PTGER3: variants seen among roughly 807,000 people sequenced by gnomAD.
The protein encoded by PTGER3 is prostaglandin E receptor 3, also known as prostaglandin E2 receptor EP3 subtype.
In PTGER3, 22 loss-of-function variants were observed where a neutral mutation model predicts 34.7. That is an observed-to-expected ratio of 0.63 (90% confidence interval 0.45 to 0.91). The LOEUF is 0.91. PTGER3 is among the 40% of genes least tolerant of loss of function. The pLI is 0.00. For missense variants in PTGER3, 468 were observed against 519.4 expected (o/e 0.90, Z 0.96); for synonymous variants, 241 against 230.1 (o/e 1.05, Z -0.43).
chr1:70,973,221 TGATAGATA>T (rs72155144), intron 3 of PTGER3, among the ~76,000 whole-genome samples: 42,533 of 137,098 alleles, frequency 0.31, 6,310 homozygotes, highest in South Asian at 0.34. Flanking sequence ...GATAGATAGA[TGATAGATA>T]GATAGATAGA....
intron 4 of PTGER3, among the ~76,000 whole-genome samples, chr1:70,935,397 A>G (rs1025991667): frequency 1.2e-4 from 18 of 152,078 alleles, no homozygotes; most frequent in Admixed American, 7.9e-4. Context: ...TTATATACAT[A>G]AATAGCAATA....
chr1:70,866,469 C>T (rs1646044316), intron 4 of PTGER3, among the ~76,000 whole-genome samples: 1 of 152,182 alleles, frequency 6.6e-6, no homozygotes, highest in African/African-American at 2.4e-5. Flanking sequence ...CCCCCGAGTC[C>T]TGAGTTAATC....
chr1:71,026,584 AC>A lies in PTGER3; in HGVS notation c.898-14101del, dbSNP rs1296937500. Among the ~76,000 whole-genome samples the A allele has an allele frequency of 3.3e-5, 5 of 151,786 alleles. No individual in the cohort carries two copies. In the East Asian group the frequency reaches 9.7e-4, roughly 29 times the overall value. On this transcript the variant is annotated intron_variant, in intron 1 of 3. Coordinates refer to ENST00000306666, the MANE Select transcript of PTGER3 (RefSeq NM_198719.2). ...TATAATGTGTTCATCTTCCGTGTTTACCCCCTTAGGCTGCTTTTGTCTCTTC... is the reference window on the plus strand; with the variant it reads ...TATAATGTGTTCATCTTCCGTGTTTACCCCTTAGGCTGCTTTTGTCTCTTC...
At chr1:70,868,120 T>C (rs910222340) in intron 4 of PTGER3, among the ~76,000 whole-genome samples, 1 of 152,102 alleles carries the variant, frequency 6.6e-6, no homozygotes, top group Non-Finnish European at 1.5e-5. Flanking sequence ...TTGCATACAC[T>C]GTCCCCACTA....
chr1:71,025,178 T>TTTCC lies in PTGER3; in HGVS notation c.898-12698_898-12695dup, dbSNP rs372215932. On this transcript the variant is annotated intron_variant, in intron 1 of 3. Transcript: ENST00000306666. ...CTTCCTTCCTTCTTTCCTTCCTTTTTTTCCTTCCTTCCTTCCTTCTTATTA... is the reference window on the plus strand; with the variant it reads ...CTTCCTTCCTTCTTTCCTTCCTTTTTTTCCTTCCTTCCTTCCTTCCTTCTTATTA... Among the ~76,000 whole-genome samples, 1,012 of 120,486 alleles carry TTTCC rather than the reference T, an allele frequency of 8.4e-3. 19 individuals are homozygous for TTTCC. The highest frequency in any genetic ancestry group is 0.032 in the African/African-American group (974 of 30,078). The allele number at this position is 120,486 out of a possible 152,430, so 79.0% of individuals were successfully genotyped here.
chr1:70,881,956 C>T (rs1646400203), intron 4 of PTGER3, among the ~76,000 whole-genome samples: 1 of 152,156 alleles, frequency 6.6e-6, no homozygotes, highest in South Asian at 2.1e-4. Flanking sequence ...GGTGGAATTG[C>T]CCACCCTGCC....
intron 1 of PTGER3, among the ~76,000 whole-genome samples, chr1:71,044,094 G>A (rs1660542315): frequency 6.6e-6 from 1 of 151,124 alleles, no homozygotes; most frequent in South Asian, 2.1e-4. Context: ...GGGATTACAG[G>A]CGTGAGCCAC....
Position 70,874,401 on chromosome 1 carries a change from T to C in PTGER3, c.*24-21542A>G, listed in dbSNP as rs991537026. On this transcript the variant is annotated intron_variant, in intron 4 of 4. Transcript: ENST00000370931. ...CTCAATTGCGTGTTGCCATGGGTTA[T>C]CTTCCTTTCTCTCTTTTCCCTCCCC... is the stretch of plus-strand genomic sequence containing the variant. 2.6e-5 allele frequency among the ~76,000 whole-genome samples: 4 copies of C among 152,230 alleles called. No homozygotes were observed. The East Asian group carries it at 7.7e-4, about 29-fold the overall frequency.
At chr1:70,865,068 A>G (rs967883436) in intron 4 of PTGER3, among the ~76,000 whole-genome samples, 1 of 151,692 alleles carries the variant, frequency 6.6e-6, no homozygotes, top group African/African-American at 2.4e-5. Flanking sequence ...TACAGGTGAT[A>G]GCATTTCAAG....
chr1:70,893,577 T>G (rs896307136), intron 4 of PTGER3, among the ~76,000 whole-genome samples: 1 of 152,210 alleles, frequency 6.6e-6, no homozygotes, highest in Non-Finnish European at 1.5e-5. Flanking sequence ...TTGTTTAAGT[T>G]AAATTCTAGC....
In PTGER3 at chr1:71,040,592, A is replaced by G. The variant is rs536987382; in HGVS notation, c.897+6089T>C. On this transcript the variant is annotated intron_variant, in intron 1 of 3. Transcript: ENST00000306666. ...GCCAATGCACTCCAGCCTAGGCAAC[A>G]GCGAGACTTTGTCTCAAAAGAAAAA... 5.9e-5 allele frequency among the ~76,000 whole-genome samples: 9 copies of G among 152,260 alleles called. No homozygotes were observed. The South Asian group carries it at 1.9e-3, about 32-fold the overall frequency.
intron 4 of PTGER3, among the ~76,000 whole-genome samples, chr1:70,938,201 G>A (rs1572700654): frequency 6.6e-6 from 1 of 152,136 alleles, no homozygotes; most frequent in African/African-American, 2.4e-5. Context: ...ACTTAGAAGA[G>A]CATCAGAAGC....
At position 70,971,434 on chromosome 1, in the gene PTGER3, C is replaced by T; in HGVS notation, c.*296G>A. 9 of 1,104,442 alleles carry T rather than the reference C, an allele frequency of 8.1e-6. No individual in the cohort carries two copies. The highest frequency in any genetic ancestry group is 9.9e-6 in the Non-Finnish European group (9 of 906,466). 68.4% of individuals were successfully genotyped at this position (1,104,442 alleles called of 1,614,324 possible). A position where few individuals can be genotyped will look rare whatever the true frequency, so the allele number is the denominator to read the frequency against. ...TTGAAGTTGGAGAAAACTCCTGGAA[C>T]ACAGGTCTTTCTTTTCATCACTTTT... is the stretch of plus-strand genomic sequence containing the variant. On this transcript the variant is annotated 3_prime_UTR_variant, in exon 4 of 4. Transcript: ENST00000306666.
At chr1:70,909,969 C>T (rs985794404) in intron 4 of PTGER3, among the ~76,000 whole-genome samples, 4 of 152,132 alleles carry the variant, frequency 2.6e-5, no homozygotes, top group African/African-American at 9.7e-5. Context: ...AAGAATACAA[C>T]CTTCATAAAA....
chr1:71,022,693 T>A (rs1457360127), intron 1 of PTGER3, among the ~76,000 whole-genome samples: 2 of 151,368 alleles, frequency 1.3e-5, no homozygotes, highest in Non-Finnish European at 2.9e-5. Context: ...GTCAGTGCTC[T>A]CTCTCTCTCT....
At chr1:71,042,046 T>C (rs1660362888) in intron 1 of PTGER3, among the ~76,000 whole-genome samples, 1 of 152,076 alleles carries the variant, frequency 6.6e-6, no homozygotes, top group Non-Finnish European at 1.5e-5. Flanking sequence ...CTTCACAGCT[T>C]GTTCAAAAGA....
chr1:71,010,563 C>T, intron 2 of PTGER3: 1 of 984,454 alleles, frequency 1.0e-6, no homozygotes, highest in Non-Finnish European at 1.2e-6. Flanking sequence ...GTCACAGGAC[C>T]AACCAAGAGG....
At chr1:70,971,963 ACT>A (rs2100678533) in intron 3 of PTGER3, among the ~76,000 whole-genome samples, 1 of 152,326 alleles carries the variant, frequency 6.6e-6, no homozygotes, top group South Asian at 2.1e-4. Context: ...TTAGTATATA[ACT>A]CTAGTCTAAA....
At chr1:70,862,284 T>A (rs991157144) in intron 4 of PTGER3, 2 of 1,287,712 alleles carry the variant, frequency 1.6e-6, no homozygotes, top group Non-Finnish European at 2.1e-6. Flanking sequence ...ACTGGTAAGT[T>A]CTTTGGAGAT....
Sources: allele counts gnomAD v4.1 joint callset (sites outside exome capture counted in the v4.1 genomes callset), GRCh38; gene constraint gnomAD v4.1.1; transcripts MANE v1.5; gene names NCBI Gene and HGNC (gene_info 2026-07-23, HGNC 2026-07-21).